RCSD1: variants seen among roughly 807,000 people sequenced by gnomAD.
RCSD1 encodes the protein capZ-interacting protein.
Under a neutral mutation model 42.5 loss-of-function variants are expected in RCSD1, and 26 were observed. That is an observed-to-expected ratio of 0.61 (90% CI 0.45 to 0.85). The LOEUF is 0.85. RCSD1 is among the 40% of genes least tolerant of loss of function. RCSD1 has a pLI of 0.00. For missense variants in RCSD1, 571 were observed against 528.3 expected (o/e 1.08, Z -0.79); for synonymous variants, 220 against 212.2 (o/e 1.04, Z -0.32).
At chr1:167,636,570 G>A (rs565936589) in intron 1 of RCSD1, among the ~76,000 whole-genome samples, 12 of 151,732 alleles carry the variant, frequency 7.9e-5, no homozygotes, top group African/African-American at 2.9e-4. Context: ...CCATGCACTA[G>A]CTTCTTTTTG....
rs1252985770 is a variant in RCSD1 at position 167,694,331 on chromosome 1, G to A, written c.474+29G>A. On this transcript the variant is annotated intron_variant, in intron 5 of 6. Coordinates refer to ENST00000367854, the MANE Select transcript of RCSD1 (RefSeq NM_052862.4). ...AATTCTAGCTCCAGATTATGGCGGT[G>A]TGTCTGTGGAAATGTGGGCACTGGC... 3 of 1,600,428 alleles carry A rather than the reference G, an allele frequency of 1.9e-6. No individual in the cohort carries two copies. The South Asian group carries it at 3.3e-5, about 18-fold the overall frequency.
chr1:167,704,605 C>G, intron 6 of RCSD1, 59 bp from the exon 7 acceptor site: 1 of 1,405,774 alleles, frequency 7.1e-7, no homozygotes, highest in Non-Finnish European at 1.0e-6. Context: ...AGGAGGGATG[C>G]TGAGTGTCAG....
rs768958489 is a variant in RCSD1, at chr1:167,685,409, C to T, written c.109-12C>T. 46 of 1,608,828 alleles carry T rather than the reference C, an allele frequency of 2.9e-5. No homozygotes were observed. The East Asian group carries it at 1.0e-3, about 35-fold the overall frequency. On this transcript the variant is annotated splice_polypyrimidine_tract_variant and intron_variant, in intron 2 of 6. Coordinates refer to ENST00000367854, the MANE Select transcript of RCSD1 (RefSeq NM_052862.4). ...TTTTTCTCTGTGTGTCTGTCTGTCGCCCTCCCTCCAGACACCAGCCAGTAA... is the reference window on the plus strand; with the variant it reads ...TTTTTCTCTGTGTGTCTGTCTGTCGTCCTCCCTCCAGACACCAGCCAGTAA...
chr1:167,691,533 G>A (rs75729521), intron 4 of RCSD1, among the ~76,000 whole-genome samples: 4,945 of 152,334 alleles, frequency 0.032, 103 homozygotes, highest in Non-Finnish European at 0.051. Flanking sequence ...CAGCCACCCA[G>A]GAGAAGGAAC....
chr1:167,642,736 T>C (rs1260485768), intron 1 of RCSD1, among the ~76,000 whole-genome samples: 1 of 152,162 alleles, frequency 6.6e-6, no homozygotes, highest in Non-Finnish European at 1.5e-5. Flanking sequence ...GCACTCCCCC[T>C]TGGTGAAAGG....
chr1:167,695,981 G>T (rs1659489802), intron 5 of RCSD1, among the ~76,000 whole-genome samples: 1 of 152,154 alleles, frequency 6.6e-6, no homozygotes, highest in Non-Finnish European at 1.5e-5. Context: ...CAGCTCTGCT[G>T]GTGCTCCTGA....
intron 1 of RCSD1, among the ~76,000 whole-genome samples, chr1:167,675,673 C>T (rs186709824): frequency 1.8e-4 from 27 of 152,226 alleles, no homozygotes; most frequent in East Asian, 1.3e-3. Flanking sequence ...AGCCATAAAA[C>T]GAAACTCAGC....
intron 1 of RCSD1, among the ~76,000 whole-genome samples, chr1:167,654,152 G>A (rs1658371173): frequency 1.3e-5 from 2 of 152,192 alleles, no homozygotes; most frequent in South Asian, 2.1e-4. Context: ...TTTAATAAGT[G>A]TTGGCCATTA....
chr1:167,706,706 C>T lies in RCSD1; in HGVS notation c.*2010C>T, dbSNP rs1239043551. Reference sequence around the variant, plus strand: ...TGTATTTTGTGAAAAAAATAGAGGCCCCATTCCCAGGGCTTGTTCATTAAT... The same window carrying T: ...TGTATTTTGTGAAAAAAATAGAGGCTCCATTCCCAGGGCTTGTTCATTAAT... On this transcript the variant is annotated 3_prime_UTR_variant, in exon 7 of 7. Transcript: ENST00000367854. 6.6e-6 allele frequency among the ~76,000 whole-genome samples: 1 copy of T among 152,054 alleles called. No individual in the cohort carries two copies. Among genetic ancestry groups the T allele is most frequent in the Non-Finnish European group, 1.5e-5 (1 of 68,008 alleles).
chr1:167,677,306 C>T (rs1353227935), intron 1 of RCSD1, among the ~76,000 whole-genome samples: 5 of 152,144 alleles, frequency 3.3e-5, no homozygotes, highest in African/African-American at 9.7e-5. Context: ...GGATGGGGCA[C>T]GCAACATTCA....
intron 1 of RCSD1, among the ~76,000 whole-genome samples, chr1:167,653,472 C>T (rs538063532): frequency 1.3e-5 from 2 of 152,340 alleles, no homozygotes; most frequent in South Asian, 4.1e-4. Flanking sequence ...TCTGATTTAA[C>T]AGATGGAGAT....
chr1:167,663,475 T>C (rs536738396), intron 1 of RCSD1: 9 of 152,520 alleles, frequency 5.9e-5, no homozygotes, highest in African/African-American at 2.2e-4. Flanking sequence ...TCCTGACCCA[T>C]TACCCTACCC....
At position 167,697,676 on chromosome 1, in the gene RCSD1, G is replaced by C; in HGVS notation, c.1052G>C (p.Ser351Thr). The C allele has an allele frequency of 6.2e-7, 1 of 1,605,206 alleles. No homozygotes were observed. Among genetic ancestry groups the C allele is most frequent in the Non-Finnish European group, 8.5e-7 (1 of 1,176,140 alleles). ...GCTGCAGTGAAGGAGACCCCCCACA[G>C]TCCCCCTGGAGGAGTGAAGGGCGGA... Reference protein sequence around the residue: ...EGAAVKETPHSPPGGVKGGDV... With the variant: ...EGAAVKETPHTPPGGVKGGDV... The change falls in exon 6 of 7, where the codon AGT (serine) becomes ACT (threonine). Residue 351 changes from serine (S) to threonine (T), a missense_variant. Ser to Thr is a moderately conservative substitution (Grantham distance 58). Transcript: ENST00000367854.
At chr1:167,700,625 T>C (rs1038439574) in intron 6 of RCSD1, among the ~76,000 whole-genome samples, 17 of 147,796 alleles carry the variant, frequency 1.2e-4, no homozygotes, top group Non-Finnish European at 1.6e-4. Flanking sequence ...CACTCCAGCC[T>C]AGGTGACAGA....
intron 1 of RCSD1, among the ~76,000 whole-genome samples, chr1:167,670,705 C>G (rs1416216334): frequency 6.6e-6 from 1 of 152,164 alleles, no homozygotes; most frequent in African/African-American, 2.4e-5. Context: ...TTTCTGAGCA[C>G]TCCTCCAGTC....
intron 1 of RCSD1, among the ~76,000 whole-genome samples, chr1:167,666,096 G>A (rs1169054700): frequency 1.3e-5 from 2 of 152,248 alleles, no homozygotes; most frequent in African/African-American, 2.4e-5. Flanking sequence ...ACAGGCGTAA[G>A]CCACCATGCC....
In RCSD1 at chr1:167,694,200, C is replaced by T. The variant is rs1165841223; in HGVS notation, c.372C>T (p.Thr124=). 6.2e-7 allele frequency: 1 copy of T among 1,614,212 alleles called. No homozygotes were observed. The highest frequency in any genetic ancestry group is 1.1e-5 in the South Asian group (1 of 91,084). Reference sequence around the variant, plus strand: ...CGCCATTTCACAGCCCACCTTCTACCCCCAGCAGCCCTGGTGTGCGATCTA... The same window carrying T: ...CGCCATTTCACAGCCCACCTTCTACTCCCAGCAGCCCTGGTGTGCGATCTA... ...MVSPFHSPPS[T]PSSPGVRSRP... is the part of the protein sequence containing the mutation. The change falls in exon 5 of 7, where the codon ACC becomes ACT. Residue 124 remains threonine (T), a synonymous_variant. Coordinates refer to ENST00000367854, the MANE Select transcript of RCSD1 (RefSeq NM_052862.4).
intron 4 of RCSD1, among the ~76,000 whole-genome samples, chr1:167,693,854 G>A (rs776305819): frequency 2.0e-5 from 3 of 151,500 alleles, no homozygotes; most frequent in Non-Finnish European, 1.5e-5. Context: ...TTGGATCCTC[G>A]TCAGTGCTGG....
intron 1 of RCSD1, among the ~76,000 whole-genome samples, chr1:167,631,006 C>G (rs1657683547): frequency 6.6e-6 from 1 of 152,188 alleles, no homozygotes; most frequent in South Asian, 2.1e-4. Flanking sequence ...TCTGAAAGCT[C>G]CCCTTACTGG....
Sources: allele counts gnomAD v4.1 joint callset (sites outside exome capture counted in the v4.1 genomes callset), GRCh38; gene constraint gnomAD v4.1.1; transcripts MANE v1.5; gene names NCBI Gene and HGNC (gene_info 2026-07-23, HGNC 2026-07-21).